The following CLTRN variants were observed in gnomAD, a reference collection of about 807,000 sequenced individuals.
The protein encoded by CLTRN is collectrin, amino acid transport regulator.
In CLTRN, 12 loss-of-function variants were observed where a neutral mutation model predicts 14.5. The observed-to-expected ratio is 0.83, with a 90% CI of 0.53 to 1.34. The LOEUF is 1.34. Among genes scored for constraint, CLTRN ranks in the 40% most tolerant of loss-of-function variants. The pLI is 0.00. For synonymous variants in CLTRN, 58 were observed against 56.5 expected (o/e 1.03, Z -0.12); for missense variants, 154 against 165.1 (o/e 0.93, Z 0.37).
chrX:15,646,595 C>T (rs1419205413), intron 3 of CLTRN: 2 of 339,409 alleles, frequency 5.9e-6, no homozygotes, highest in Non-Finnish European at 1.2e-5. Flanking sequence ...AGCCCCTCCC[C>T]ACCGCTCCTC....
intron 3 of CLTRN, among the ~76,000 whole-genome samples, chrX:15,655,161 T>C (rs1337407652): frequency 1.8e-5 from 2 of 111,959 alleles, no homozygotes; most frequent in Admixed American, 9.4e-5. Context: ...CTCCACTCCC[T>C]ACTCCCTCCC....
intron 3 of CLTRN, among the ~76,000 whole-genome samples, chrX:15,649,805 A>G (rs1330776563): frequency 9.0e-6 from 1 of 110,671 alleles, no homozygotes; most frequent in Non-Finnish European, 1.9e-5. Flanking sequence ...AAAAGTTTCA[A>G]GGTCATGAAA....
chrX:15,672,553 T>C (rs1369868348), intron 1 of CLTRN, among the ~76,000 whole-genome samples: 1 of 111,361 alleles, frequency 9.0e-6, no homozygotes, highest in African/African-American at 3.3e-5. Context: ...ACTTTTAGGT[T>C]ATATGCTCTC....
intron 2 of CLTRN, among the ~76,000 whole-genome samples, chrX:15,662,551 G>A (rs192607600): frequency 3.5e-3 from 393 of 111,694 alleles, no homozygotes; most frequent in African/African-American, 0.01. Context: ...TTTTGCAACA[G>A]CAAAAACAAA....
intron 5 of CLTRN, among the ~76,000 whole-genome samples, chrX:15,638,456 G>A (rs899925364): frequency 4.2e-5 from 4 of 95,060 alleles, no homozygotes; most frequent in Non-Finnish European, 6.1e-5. Flanking sequence ...ACTTCAAGAG[G>A]AGCATTTAGT....
At chrX:15,654,621 T>C (rs1929303827) in intron 3 of CLTRN, among the ~76,000 whole-genome samples, 1 of 112,524 alleles carries the variant, frequency 8.9e-6, no homozygotes, top group Non-Finnish European at 1.9e-5. Context: ...CTATCTCCCA[T>C]TCTGCTCCTA....
At chrX:15,628,469 G>T (rs1016601118) in intron 5 of CLTRN, among the ~76,000 whole-genome samples, 14 of 111,961 alleles carry the variant, frequency 1.3e-4, no homozygotes, top group Non-Finnish European at 2.4e-4. Flanking sequence ...CACACAAATT[G>T]CATGAAGTAA....
In CLTRN at chrX:15,641,101, T is replaced by C. The variant is rs150304293; in HGVS notation, c.318-1345A>G. Among the ~76,000 whole-genome samples the C allele has an allele frequency of 7.5e-3, 848 of 112,487 alleles. 6 individuals carry two copies. Among genetic ancestry groups the C allele is most frequent in the African/African-American group, 0.026 (798 of 31,007 alleles). ...GTTCAGCAAATTGCAAGTAGTTCCA[T>C]AGGACTAAAGACATTAATGATTTAG... On this transcript the variant is annotated intron_variant, in intron 4 of 5. Coordinates refer to ENST00000380342, the MANE Select transcript of CLTRN (RefSeq NM_020665.6).
At chrX:15,668,832 C>T (rs1253849380), upstream of CLTRN, among the ~76,000 whole-genome samples, 2 of 111,781 alleles carry the variant, frequency 1.8e-5, no homozygotes, top group African/African-American at 6.5e-5. Flanking sequence ...AGGTTTTATA[C>T]CTCTTTCTGA....
chrX:15,664,517 GC>G, intron 1 of CLTRN, 122 bp from the exon 2 acceptor site: 1 of 669,131 alleles, frequency 1.5e-6, no homozygotes, highest in Non-Finnish European at 2.3e-6. Context: ...CAATTAAACA[GC>G]CCCAAATACT....
At chrX:15,651,956 C>T (rs966459847) in intron 3 of CLTRN, among the ~76,000 whole-genome samples, 1 of 112,010 alleles carries the variant, frequency 8.9e-6, no homozygotes, top group Non-Finnish European at 1.9e-5. Flanking sequence ...ACAGAACTCT[C>T]TGGCAAAAGA....
At position 15,659,007 on chromosome X, in the gene CLTRN, T is replaced by C. The variant is rs754764440; in HGVS notation, c.203+9A>G. The C allele has an allele frequency of 9.3e-7, 1 of 1,075,923 alleles. No individual in the cohort carries two copies. Among genetic ancestry groups the C allele is most frequent in the East Asian group, 3.2e-5 (1 of 31,523 alleles). 88.7% of individuals were successfully genotyped at this position (1,075,923 alleles called of 1,213,427 possible). On this transcript the variant is annotated intron_variant, in intron 3 of 5. Transcript: ENST00000380342. ...AATAATCAGTTAAGATTTCTCATTATTTGCTTACTCTGTTGCTTCTCTGTT... is the reference window on the plus strand; with the variant it reads ...AATAATCAGTTAAGATTTCTCATTACTTGCTTACTCTGTTGCTTCTCTGTT...
At chrX:15,661,591 T>C (rs1280259203) in intron 2 of CLTRN, among the ~76,000 whole-genome samples, 1 of 112,550 alleles carries the variant, frequency 8.9e-6, no homozygotes, top group Non-Finnish European at 1.9e-5. Flanking sequence ...ATTGAGCACA[T>C]ATATTAATGA....
At chrX:15,651,365 A>T (rs2147206774) in intron 3 of CLTRN, among the ~76,000 whole-genome samples, 1 of 111,256 alleles carries the variant, frequency 9.0e-6, no homozygotes, top group South Asian at 3.9e-4. Context: ...CCAAGACCAG[A>T]GTCTTGAGTC....
upstream of CLTRN, among the ~76,000 whole-genome samples, chrX:15,666,127 C>T (rs919874895): frequency 1.8e-5 from 2 of 111,578 alleles, no homozygotes; most frequent in African/African-American, 6.5e-5. Context: ...AACTACCTAT[C>T]GAATACTATG....
chrX:15,631,034 G>C (rs1232769725), intron 5 of CLTRN, among the ~76,000 whole-genome samples: 1 of 112,049 alleles, frequency 8.9e-6, no homozygotes, highest in Non-Finnish European at 1.9e-5. Context: ...TATGTGTATG[G>C]AAGAGATACA....
At chrX:15,651,355 C>A (rs1929210851) in intron 3 of CLTRN, among the ~76,000 whole-genome samples, 1 of 111,266 alleles carries the variant, frequency 9.0e-6, no homozygotes, top group African/African-American at 3.3e-5. Flanking sequence ...CTCTTGAAAA[C>A]CAAGACCAGA....
intron 3 of CLTRN, among the ~76,000 whole-genome samples, chrX:15,652,350 A>G (rs1384562910): frequency 9.0e-6 from 1 of 111,632 alleles, no homozygotes; most frequent in Non-Finnish European, 1.9e-5. Flanking sequence ...AATGAGTCCA[A>G]TGGAATTATT....
chrX:15,630,217 AATGG>A (rs756492225), intron 5 of CLTRN, among the ~76,000 whole-genome samples: 4 of 111,194 alleles, frequency 3.6e-5, no homozygotes, highest in Non-Finnish European at 7.6e-5. Flanking sequence ...TGGCTGGCTG[AATGG>A]ATGGATGGAT....
Sources: gnomAD v4.1 joint callset for allele counts (sites outside exome capture counted in the v4.1 genomes callset) on GRCh38, gnomAD v4.1.1 for gene constraint, MANE v1.5 for transcripts, NCBI Gene and HGNC (gene_info 2026-07-23, HGNC 2026-07-21) for gene names.